Variants in IMMP2L observed in about 807,000 individuals in gnomAD.
IMMP2L encodes the protein inner mitochondrial membrane peptidase subunit 2.
Under a neutral mutation model 19.3 loss-of-function variants are expected in IMMP2L, and 18 were observed. The observed-to-expected ratio is 0.93, with a 90% CI of 0.64 to 1.38. The LOEUF (loss-of-function observed/expected upper bound fraction) is 1.38. Among genes scored for constraint, IMMP2L ranks in the 40% most tolerant of loss-of-function variants. The pLI, the probability that IMMP2L is intolerant of heterozygous loss-of-function variation, is 0.00. For synonymous variants in IMMP2L, 76 were observed against 73.0 expected (o/e 1.04, Z -0.21); for missense variants, 233 against 218.2 (o/e 1.07, Z -0.43).
At chr7:111,070,412 C>T (rs1308956115) in intron 3 of IMMP2L, among the ~76,000 whole-genome samples, 2 of 151,632 alleles carry the variant, frequency 1.3e-5, no homozygotes, top group African/African-American at 4.8e-5. Flanking sequence ...TAATGGTATA[C>T]AGAGAAAAAA....
chr7:111,276,261 T>C (rs1330547711), intron 3 of IMMP2L, among the ~76,000 whole-genome samples: 1 of 152,148 alleles, frequency 6.6e-6, no homozygotes, highest in Non-Finnish European at 1.5e-5. Context: ...CCAATTTACA[T>C]ATATCGAAGC....
At position 110,682,300 on chromosome 7, in the gene IMMP2L, C is replaced by A. The variant is rs547589311; in HGVS notation, c.409-18579G>T. Among the ~76,000 whole-genome samples the A allele has an allele frequency of 2.0e-5, 3 of 152,272 alleles. No homozygotes were observed. The South Asian group carries it at 6.2e-4, about 32-fold the overall frequency. On this transcript the variant is annotated intron_variant, in intron 5 of 5. Transcript: ENST00000405709. ...ACCTCCTTCTGGAAGGCTTCCATGA[C>A]CTCTTCCCAGTTTCAACAGCTTGTG...
intron 5 of IMMP2L, among the ~76,000 whole-genome samples, chr7:110,831,080 C>G (rs112737760): frequency 6.6e-6 from 1 of 152,110 alleles, no homozygotes; most frequent in Non-Finnish European, 1.5e-5. Context: ...TTTAGCTCCA[C>G]GTAGCTGAAG....
rs781315083 is a variant in IMMP2L, at chr7:111,378,512, T to C, written c.239+108726A>G. 3.3e-5 allele frequency among the ~76,000 whole-genome samples: 5 copies of C among 152,022 alleles called. 1 individual carries two copies. The highest frequency in any genetic ancestry group is 7.4e-5 in the Non-Finnish European group (5 of 67,930). ...TAAATTATTTTTCAAAGCAATTCTA[T>C]GAAGCAGGTATTGTTATAATCACCC... On this transcript the variant is annotated intron_variant, in intron 3 of 5. Transcript: ENST00000405709.
intron 3 of IMMP2L, among the ~76,000 whole-genome samples, chr7:111,427,377 G>T (rs1836186362): frequency 6.6e-6 from 1 of 151,528 alleles, no homozygotes; most frequent in African/African-American, 2.4e-5. Flanking sequence ...TTAATATTAG[G>T]GCACTTCTTA....
At chr7:110,745,545 T>C (rs948627001) in intron 5 of IMMP2L, among the ~76,000 whole-genome samples, 5 of 152,198 alleles carry the variant, frequency 3.3e-5, no homozygotes, top group African/African-American at 9.7e-5. Flanking sequence ...AGACTAACAG[T>C]GGATCTCTCT....
At chr7:111,043,996 C>G in intron 3 of IMMP2L, among the ~76,000 whole-genome samples, 1 of 152,184 alleles carries the variant, frequency 6.6e-6, no homozygotes, top group South Asian at 2.1e-4. Flanking sequence ...AATAAAAACA[C>G]TGAGGCATTC....
intron 5 of IMMP2L, among the ~76,000 whole-genome samples, chr7:110,828,057 C>T (rs889101683): frequency 1.3e-5 from 2 of 152,110 alleles, no homozygotes; most frequent in African/African-American, 4.8e-5. Flanking sequence ...GTGCTCCTAT[C>T]CAGATTTTTT....
intron 3 of IMMP2L, chr7:111,091,465 G>C (rs568912989): frequency 6.6e-6 from 1 of 152,158 alleles, no homozygotes; most frequent in Non-Finnish European, 1.5e-5. Flanking sequence ...CAGCACGCAA[G>C]GACATCGGAG....
chr7:111,483,932 G>C (rs1211972541), intron 3 of IMMP2L, among the ~76,000 whole-genome samples: 1 of 152,124 alleles, frequency 6.6e-6, no homozygotes, highest in East Asian at 1.9e-4. Context: ...TCTGAGAAGT[G>C]CTACTGCAAA....
Position 111,521,414 on chromosome 7 carries a change from T to C in IMMP2L, c.34A>G (p.Ile12Val). Residue 12 changes from isoleucine (I) to valine (V), a missense_variant, in exon 2 of 6, where the codon ATC becomes GTC. Coordinates refer to ENST00000405709, the MANE Select transcript of IMMP2L (RefSeq NM_032549.4). ...AAGAAGCCTTTACAAAAGGCCTTGA[T>C]GTATCTTTTCACCCACCCTTGTGAC... ...AQSQGWVKRY[I>V]KAFCKGFFVA... 6.2e-7 allele frequency: 1 copy of C among 1,612,966 alleles called. No homozygotes were observed. The highest frequency in any genetic ancestry group is 8.5e-7 in the Non-Finnish European group (1 of 1,179,292).
At chr7:111,452,843 A>G (rs191512859) in intron 3 of IMMP2L, among the ~76,000 whole-genome samples, 6 of 152,222 alleles carry the variant, frequency 3.9e-5, no homozygotes, top group Admixed American at 3.9e-4. Flanking sequence ...TTTCTATAGT[A>G]CTTATCTCCT....
intron 4 of IMMP2L, among the ~76,000 whole-genome samples, chr7:110,953,100 T>C (rs901815594): frequency 4.6e-5 from 7 of 152,146 alleles, no homozygotes; most frequent in Admixed American, 3.9e-4. Flanking sequence ...TCCTTAGAAA[T>C]ATATTTCAAG....
intron 3 of IMMP2L, among the ~76,000 whole-genome samples, chr7:111,320,354 T>G (rs1824555780): frequency 6.6e-6 from 1 of 151,940 alleles, no homozygotes; most frequent in Non-Finnish European, 1.5e-5. Context: ...TCTTGTTCAC[T>G]CATGCAACTA....
At chr7:111,072,545 C>T (rs778065927) in intron 3 of IMMP2L, among the ~76,000 whole-genome samples, 26 of 145,600 alleles carry the variant, frequency 1.8e-4, no homozygotes, top group Admixed American at 4.0e-4. Flanking sequence ...TTCCACAAAA[C>T]TCAAAAAAAA....
Position 110,868,117 on chromosome 7 carries a change from T to TTGTGTGTGTGTGTGTGTGTGTGTGTGTG in IMMP2L, c.408+18475_408+18476insCACACACACACACACACACACACACACA, listed in dbSNP as rs71151813. 1.1e-3 allele frequency among the ~76,000 whole-genome samples: 161 copies of TTGTGTGTGTGTGTGTGTGTGTGTGTGTG among 144,470 alleles called. 3 individuals are homozygous for TTGTGTGTGTGTGTGTGTGTGTGTGTGTG. Among genetic ancestry groups the TTGTGTGTGTGTGTGTGTGTGTGTGTGTG allele is most frequent in the Middle Eastern group, 3.5e-3 (1 of 284 alleles). The allele number at this position is 144,470 out of a possible 152,430, so 94.8% of individuals were successfully genotyped here. The stretch of plus-strand genomic sequence containing the variant: ...TCTGAATACCAGGTTCTTGTGAGGT[T>TTGTGTGTGTGTGTGTGTGTGTGTGTGTG]TGTGTGTGTGTGTGTGTGTGTGTGT... On this transcript the variant is annotated intron_variant, in intron 5 of 5. Coordinates refer to ENST00000405709, the MANE Select transcript of IMMP2L (RefSeq NM_032549.4).
At chr7:111,392,020 C>T in intron 3 of IMMP2L, 2 of 702,168 alleles carry the variant, frequency 2.8e-6, no homozygotes, top group South Asian at 3.0e-5. Context: ...CCTCTCCTAC[C>T]TTTGTATATG....
intron 3 of IMMP2L, among the ~76,000 whole-genome samples, chr7:111,132,572 G>A (rs1801953153): frequency 6.6e-6 from 1 of 152,030 alleles, no homozygotes; most frequent in African/African-American, 2.4e-5. Context: ...ATGTCATTGT[G>A]AGCTGATAAT....
At chr7:110,784,834 C>T (rs1799962120) in intron 5 of IMMP2L, among the ~76,000 whole-genome samples, 1 of 151,792 alleles carries the variant, frequency 6.6e-6, no homozygotes, top group African/African-American at 2.4e-5. Context: ...CCTGTGCTAC[C>T]AGGGTTAACA....
Sources: gnomAD v4.1 joint callset for allele counts (sites outside exome capture counted in the v4.1 genomes callset) on GRCh38, gnomAD v4.1.1 for gene constraint, MANE v1.5 for transcripts, NCBI Gene and HGNC (gene_info 2026-07-23, HGNC 2026-07-21) for gene names.